The following GRIK2 variants were observed in gnomAD, a reference collection of about 807,000 sequenced individuals.
GRIK2 encodes glutamate receptor ionotropic, kainate 2.
GRIK2 carries 32 observed loss-of-function variants against 100.3 expected under a neutral mutation model. The ratio of observed to expected loss-of-function variants is 0.32; its 90% CI spans 0.24 to 0.43. The LOEUF (loss-of-function observed/expected upper bound fraction) is 0.43, where lower values mean the gene tolerates loss of function less well. GRIK2 is among the 20% of genes least tolerant of loss of function. The pLI is 1.00. For synonymous variants in GRIK2, 417 were observed against 389.4 expected (o/e 1.07, Z -0.83); for missense variants, 843 against 1,114.9 (o/e 0.76, Z 3.47).
intron 2 of GRIK2, among the ~76,000 whole-genome samples, chr6:101,519,379 G>T (rs1040952539): frequency 4.0e-5 from 6 of 150,204 alleles, no homozygotes; most frequent in Admixed American, 6.7e-5. Flanking sequence ...TCTCAGGCAG[G>T]GTTCTAAGTA....
At chr6:101,970,521 G>A (rs1225041842) in intron 14 of GRIK2, among the ~76,000 whole-genome samples, 2 of 151,930 alleles carry the variant, frequency 1.3e-5, no homozygotes, top group African/African-American at 4.8e-5. Context: ...AAATTAAATG[G>A]TGGATTATGC....
intron 4 of GRIK2, among the ~76,000 whole-genome samples, chr6:101,630,047 G>A (rs1055992001): frequency 1.3e-5 from 2 of 151,974 alleles, no homozygotes; most frequent in Non-Finnish European, 2.9e-5. Context: ...ACATAATTTT[G>A]TTCTTTTATA....
chr6:101,509,415 T>C (rs7747072), intron 2 of GRIK2, among the ~76,000 whole-genome samples: 25,532 of 152,142 alleles, frequency 0.17, 3,289 homozygotes, highest in East Asian at 0.35. Flanking sequence ...AATTTTTAAA[T>C]GAATTAACTA....
chr6:101,521,295 A>G (rs546196743), intron 2 of GRIK2, among the ~76,000 whole-genome samples: 1 of 152,122 alleles, frequency 6.6e-6, no homozygotes, highest in East Asian at 1.9e-4. Context: ...TTGTGTTTTA[A>G]TAGCAGGTCT....
rs34360565 is a variant in GRIK2, at chr6:101,686,341, T to C, written c.939T>C (p.Asp313=). The part of the protein sequence containing the change: ...APPKPDSGLL[D]GFMTTDAALM... ...CGAAACCCGATTCAGGTTTGCTGGA[T>C]GGATTTATGACGGTATGAATACCCA... Residue 313 remains aspartate, a synonymous_variant, in exon 7 of 17, where the codon GAT becomes GAC. Coordinates refer to ENST00000369134, the MANE Select transcript of GRIK2 (RefSeq NM_021956.5). 8,258 of 1,612,992 alleles carry C rather than the reference T, an allele frequency of 5.1e-3. 48 individuals are homozygous for C. The highest frequency in any genetic ancestry group is 0.025 in the African/African-American group (1,867 of 74,992).
chr6:101,642,752 C>T (rs1472543785), intron 4 of GRIK2, among the ~76,000 whole-genome samples: 2 of 151,632 alleles, frequency 1.3e-5, no homozygotes, highest in East Asian at 3.9e-4. Context: ...AGTATATACC[C>T]AGATGTGGAA....
intron 16 of GRIK2, among the ~76,000 whole-genome samples, chr6:102,058,979 A>T (rs1222659604): frequency 6.6e-6 from 1 of 151,292 alleles, no homozygotes; most frequent in Non-Finnish European, 1.5e-5. Flanking sequence ...ATGATGATAA[A>T]ATTATAATAT....
At chr6:101,998,007 C>G (rs927877623) in intron 14 of GRIK2, among the ~76,000 whole-genome samples, 1 of 152,016 alleles carries the variant, frequency 6.6e-6, no homozygotes, top group Non-Finnish European at 1.5e-5. Flanking sequence ...TTTTAACATA[C>G]GTATACATCA....
intron 4 of GRIK2, among the ~76,000 whole-genome samples, chr6:101,636,268 G>A (rs1367752795): frequency 2.6e-5 from 4 of 151,966 alleles, no homozygotes; most frequent in African/African-American, 4.8e-5. Context: ...ACCAAACACC[G>A]CATGTTCTCA....
intron 2 of GRIK2, among the ~76,000 whole-genome samples, chr6:101,432,367 A>C (rs967743200): frequency 2.6e-5 from 4 of 152,156 alleles, no homozygotes; most frequent in African/African-American, 9.7e-5. Context: ...CTAGTGTCTT[A>C]ATCCTTTGGA....
intron 2 of GRIK2, among the ~76,000 whole-genome samples, chr6:101,442,518 C>T (rs771428775): frequency 1.3e-5 from 2 of 152,076 alleles, no homozygotes; most frequent in Non-Finnish European, 2.9e-5. Context: ...GACATGCTGC[C>T]AGATTTCTTG....
chr6:101,693,164 T>C (rs1772230274), intron 7 of GRIK2, among the ~76,000 whole-genome samples: 1 of 152,144 alleles, frequency 6.6e-6, no homozygotes, highest in Non-Finnish European at 1.5e-5. Context: ...ATGGAATTTC[T>C]ATTTTAAGTA....
At chr6:101,402,171 G>GTCTTCAGCGTGCGCAACCC (rs1775347400) in intron 2 of GRIK2, among the ~76,000 whole-genome samples, 1 of 152,056 alleles carries the variant, frequency 6.6e-6, no homozygotes, top group Non-Finnish European at 1.5e-5. Context: ...TCCCCCGCCC[G>GTCTTCAGCGTGCGCAACCC]TCTTCAGCGT....
chr6:102,017,836 A>G (rs1769202049), intron 14 of GRIK2, among the ~76,000 whole-genome samples: 2 of 152,130 alleles, frequency 1.3e-5, no homozygotes, highest in African/African-American at 2.4e-5. Flanking sequence ...TGAAAGTCTC[A>G]TTATTCATTT....
chr6:101,855,564 G>A (rs1280247914), intron 10 of GRIK2, among the ~76,000 whole-genome samples: 2 of 152,102 alleles, frequency 1.3e-5, no homozygotes, highest in Middle Eastern at 3.2e-3. Context: ...TAAAAAGGCA[G>A]TGCAAAGAGC....
At chr6:101,502,943 C>T (rs577059413) in intron 2 of GRIK2, among the ~76,000 whole-genome samples, 14 of 152,182 alleles carry the variant, frequency 9.2e-5, no homozygotes, top group Middle Eastern at 3.4e-3. Flanking sequence ...CATCTCCCTC[C>T]CCAGCTCCTA....
intron 2 of GRIK2, among the ~76,000 whole-genome samples, chr6:101,429,349 C>T (rs1038353831): frequency 7.2e-5 from 11 of 152,180 alleles, no homozygotes; most frequent in Non-Finnish European, 1.6e-4. Flanking sequence ...TTCATTAACA[C>T]TTAACTAGAG....
intron 15 of GRIK2, among the ~76,000 whole-genome samples, chr6:102,046,877 C>G (rs1019444643): frequency 6.6e-6 from 1 of 151,944 alleles, no homozygotes; most frequent in Non-Finnish European, 1.5e-5. Context: ...CTGACCACAA[C>G]AGTATGAAAC....
chr6:101,845,432 C>T (rs1045149037), intron 10 of GRIK2, among the ~76,000 whole-genome samples: 2 of 152,112 alleles, frequency 1.3e-5, no homozygotes, highest in African/African-American at 4.8e-5. Flanking sequence ...TTTGTGTCTG[C>T]CTGCTTTCAC....
Sources: allele counts gnomAD v4.1 joint callset (sites outside exome capture counted in the v4.1 genomes callset), GRCh38; gene constraint gnomAD v4.1.1; transcripts MANE v1.5; gene names NCBI Gene and HGNC (gene_info 2026-07-23, HGNC 2026-07-21).